DLGAP2: variants seen among roughly 807,000 people sequenced by gnomAD.
The protein encoded by DLGAP2 is DLG associated protein 2, also known as disks large-associated protein 2.
In DLGAP2, 26 loss-of-function variants were observed where a neutral mutation model predicts 100.3. That is an observed-to-expected ratio of 0.26 (90% CI 0.19 to 0.36). The LOEUF (loss-of-function observed/expected upper bound fraction) is 0.36. DLGAP2 is among the 10% of genes least tolerant of loss of function. DLGAP2 has a pLI of 1.00. For missense variants in DLGAP2, 1,858 were observed against 1,453.2 expected, an observed-to-expected ratio of 1.28 and a Z score of -4.53; for synonymous variants, 886 against 630.1, an observed-to-expected ratio of 1.41 and a Z score of -6.08.
chr8:1,226,591 A>G (rs1281411124), intron 2 of DLGAP2, among the ~76,000 whole-genome samples: 1 of 152,184 alleles, frequency 6.6e-6, no homozygotes, highest in Non-Finnish European at 1.5e-5. Flanking sequence ...ACAAACCTGA[A>G]TGTCGTGTAC....
At chr8:865,986 T>C (rs769445096) in intron 1 of DLGAP2, among the ~76,000 whole-genome samples, 5 of 152,332 alleles carry the variant, frequency 3.3e-5, no homozygotes, top group Non-Finnish European at 7.3e-5. Context: ...TAGTTGGGTA[T>C]GGTATTCTAA....
At chr8:1,058,659 T>C (rs1802956977) in intron 2 of DLGAP2, among the ~76,000 whole-genome samples, 1 of 152,348 alleles carries the variant, frequency 6.6e-6, no homozygotes, top group Admixed American at 6.5e-5. Flanking sequence ...AAGTAGGTTG[T>C]TTAACCTGTT....
intron 3 of DLGAP2, among the ~76,000 whole-genome samples, chr8:1,276,266 C>T (rs1799694258): frequency 6.6e-6 from 1 of 151,630 alleles, no homozygotes; most frequent in African/African-American, 2.4e-5. Context: ...CCTAAAAAAT[C>T]ATGATAGCTG....
At chr8:1,572,378 T>TGGC (rs1302441030) in intron 6 of DLGAP2, among the ~76,000 whole-genome samples, 19 of 28,786 alleles carry the variant, frequency 6.6e-4, no homozygotes, top group Non-Finnish European at 9.7e-4. Flanking sequence ...AACTGTGGGT[T>TGGC]GTCTGATGAG....
chr8:1,414,620 C>T (rs1385219775), intron 3 of DLGAP2, among the ~76,000 whole-genome samples: 2 of 152,240 alleles, frequency 1.3e-5, no homozygotes, highest in African/African-American at 4.8e-5. Flanking sequence ...AGCTGCCCGG[C>T]AGCTGTCTCT....
intron 2 of DLGAP2, among the ~76,000 whole-genome samples, chr8:1,216,004 G>T (rs1798205625): frequency 1.3e-5 from 2 of 152,218 alleles, no homozygotes; most frequent in African/African-American, 4.8e-5. Context: ...ACATCACCTG[G>T]AGACGTCTAG....
chr8:1,229,985 A>T (rs1798501830), intron 2 of DLGAP2, among the ~76,000 whole-genome samples: 1 of 152,198 alleles, frequency 6.6e-6, no homozygotes, highest in South Asian at 2.1e-4. Context: ...CACTCTCACC[A>T]CTCCTATTCA....
intron 1 of DLGAP2, among the ~76,000 whole-genome samples, chr8:850,078 A>AC (rs1797157733): frequency 6.7e-6 from 1 of 148,660 alleles, no homozygotes; most frequent in East Asian, 2.0e-4. Flanking sequence ...AAAAAAAAAA[A>AC]CTAGGTTGTT....
At chr8:1,240,620 G>GCACATAGCGTCACGTCTAGTTCTCTCTCA (rs1563273989) in intron 2 of DLGAP2, among the ~76,000 whole-genome samples, 16 of 120,350 alleles carry the variant, frequency 1.3e-4, no homozygotes, top group African/African-American at 3.9e-4. Context: ...GTTCTCTCTC[G>GCACATAGCGTCACGTCTAGTTCTCTCTCA]CACATAGCGT....
intron 2 of DLGAP2, among the ~76,000 whole-genome samples, chr8:1,149,941 A>G (rs1796669526): frequency 6.6e-6 from 1 of 152,218 alleles, no homozygotes; most frequent in Non-Finnish European, 1.5e-5. Flanking sequence ...CTCCTCTGAT[A>G]TCTTCCTGCT....
At chr8:1,280,532 G>T (rs867704063) in intron 3 of DLGAP2, among the ~76,000 whole-genome samples, 3 of 152,190 alleles carry the variant, frequency 2.0e-5, no homozygotes, top group Admixed American at 6.5e-5. Context: ...TAAAGGAGGA[G>T]GGATTTCTTG....
At chr8:1,092,382 C>G (rs139417938) in intron 2 of DLGAP2, among the ~76,000 whole-genome samples, 1 of 152,226 alleles carries the variant, frequency 6.6e-6, no homozygotes, top group Non-Finnish European at 1.5e-5. Context: ...CTTGAGGCCT[C>G]TTATAGCCTT....
At chr8:926,829 A>C (rs1798826454) in intron 2 of DLGAP2, among the ~76,000 whole-genome samples, 1 of 152,256 alleles carries the variant, frequency 6.6e-6, no homozygotes, top group Admixed American at 6.5e-5. Context: ...CTCCTCCGGC[A>C]AGGACGGCTG....
chr8:1,690,370 A>T (rs1311419263), intron 12 of DLGAP2, among the ~76,000 whole-genome samples: 1 of 151,596 alleles, frequency 6.6e-6, no homozygotes, highest in Non-Finnish European at 1.5e-5. Context: ...AAATAAATAA[A>T]TAAAACAAAA....
At chr8:1,654,061 C>G (rs1798227451) in intron 8 of DLGAP2, among the ~76,000 whole-genome samples, 1 of 152,212 alleles carries the variant, frequency 6.6e-6, no homozygotes, top group Admixed American at 6.5e-5. Context: ...AAAATAAACT[C>G]TCATCATCAA....
intron 2 of DLGAP2, among the ~76,000 whole-genome samples, chr8:1,242,551 G>A (rs1267889270): frequency 6.6e-6 from 1 of 152,220 alleles, no homozygotes; most frequent in Non-Finnish European, 1.5e-5. Context: ...TTTCCTCAAG[G>A]AAGCTCCCCC....
Position 1,191,460 on chromosome 8 carries a change from G to A in DLGAP2, c.74-67391G>A, listed in dbSNP as rs572186455. On this transcript the variant is annotated intron_variant, in intron 2 of 14. Coordinates refer to ENST00000637795, the MANE Select transcript of DLGAP2 (RefSeq NM_001346810.2). ...GCGGGGATTATAGGCGTGAGCCACC[G>A]CGCCCAGCCGATACGTTTTATCTAT... Among the ~76,000 whole-genome samples, 46 of 152,296 alleles carry A rather than the reference G, an allele frequency of 3.0e-4. No homozygotes were observed. In the East Asian group the frequency reaches 4.6e-3, roughly 15 times the overall value.
chr8:754,124 A>C (rs1159807948), intron 1 of DLGAP2: 5 of 152,354 alleles, frequency 3.3e-5, no homozygotes, highest in Admixed American at 3.3e-4. Context: ...GAGGCCTCAG[A>C]TCAGGTGCCT....
chr8:1,192,124 G>C lies in DLGAP2; in HGVS notation c.74-66727G>C, dbSNP rs114620336. Among the ~76,000 whole-genome samples the C allele has an allele frequency of 6.8e-3, 1,038 of 152,206 alleles. 11 individuals carry two copies. The highest frequency in any genetic ancestry group is 0.024 in the African/African-American group (995 of 41,532). On this transcript the variant is annotated intron_variant, in intron 2 of 14. Transcript: ENST00000637795. Reference sequence around the variant, plus strand: ...ACTTTCTAGATGGCTTTCTCCTCTCGTACGTGATGAAACTGGCTGCCGTGA... The same window carrying C: ...ACTTTCTAGATGGCTTTCTCCTCTCCTACGTGATGAAACTGGCTGCCGTGA...
Sources: allele counts gnomAD v4.1 joint callset (sites outside exome capture counted in the v4.1 genomes callset), GRCh38; gene constraint gnomAD v4.1.1; transcripts MANE v1.5; gene names NCBI Gene and HGNC (gene_info 2026-07-23, HGNC 2026-07-21).